Variants in SOS2 observed in about 807,000 individuals in gnomAD.
The protein encoded by SOS2 is SOS Ras/Rho guanine nucleotide exchange factor 2, also known as son of sevenless homolog 2.
Under a neutral mutation model 148.2 loss-of-function variants are expected in SOS2, and 65 were observed. The ratio of observed to expected loss-of-function variants is 0.44; its 90% CI spans 0.36 to 0.54. The LOEUF (loss-of-function observed/expected upper bound fraction) is 0.54, where lower values mean the gene tolerates loss of function less well. Ranked by LOEUF, SOS2 falls within the 20% of genes least tolerant of loss-of-function variation. The probability of loss-of-function intolerance (pLI) is 0.00; values close to 1 mark genes in which losing one functional copy is unlikely to be tolerated. For missense variants in SOS2, 1,341 were observed against 1,590.2 expected, an observed-to-expected ratio of 0.84 and a Z score of 2.67; for synonymous variants, 539 against 537.1, an observed-to-expected ratio of 1.00 and a Z score of -0.05.
chr14:50,136,216 T>C (rs1884074293), intron 18 of SOS2, among the ~76,000 whole-genome samples: 1 of 152,256 alleles, frequency 6.6e-6, no homozygotes, highest in South Asian at 2.1e-4. Context: ...CTTGATTTCC[T>C]CATCCTTTGC....
At chr14:50,160,668 T>C (rs1304137358) in intron 9 of SOS2, among the ~76,000 whole-genome samples, 1 of 152,050 alleles carries the variant, frequency 6.6e-6, no homozygotes, top group African/African-American at 2.4e-5. Flanking sequence ...ATTATAGGCG[T>C]GAGCCACCGT....
At chr14:50,167,441 G>GGTTCTGAGATT (rs1432303449) in intron 8 of SOS2, among the ~76,000 whole-genome samples, 5 of 152,098 alleles carry the variant, frequency 3.3e-5, no homozygotes, top group African/African-American at 1.2e-4. Context: ...AAGCTGAGAT[G>GGTTCTGAGATT]GGAGGATTGA....
At chr14:50,229,584 G>T (rs1450363622) in intron 1 of SOS2, among the ~76,000 whole-genome samples, 2 of 151,896 alleles carry the variant, frequency 1.3e-5, no homozygotes, top group African/African-American at 4.8e-5. Flanking sequence ...AGAGGTGGGC[G>T]GACTGCTTGA....
chr14:50,147,062 G>GCC (rs1269586847), intron 14 of SOS2, among the ~76,000 whole-genome samples: 1 of 151,246 alleles, frequency 6.6e-6, no homozygotes, highest in Non-Finnish European at 1.5e-5. Context: ...AACAGGCACA[G>GCC]TAGTTCCTCC....
intron 16 of SOS2, among the ~76,000 whole-genome samples, chr14:50,144,470 C>A (rs892176589): frequency 9.2e-5 from 14 of 151,970 alleles, no homozygotes; most frequent in African/African-American, 3.1e-4. Context: ...CTGAGTCTCA[C>A]TGTGTCGCCC....
chr14:50,209,102 T>G (rs1367082629), intron 1 of SOS2, among the ~76,000 whole-genome samples: 1 of 152,210 alleles, frequency 6.6e-6, no homozygotes. Flanking sequence ...ACCGGTCTTC[T>G]GCCTTCAGAC....
At chr14:50,158,181 T>C (rs905463291) in intron 11 of SOS2, among the ~76,000 whole-genome samples, 3 of 151,992 alleles carry the variant, frequency 2.0e-5, no homozygotes, top group Non-Finnish European at 2.9e-5. Flanking sequence ...AAAGTTTTCA[T>C]AACAAGTTTG....
At chr14:50,227,098 GCT>G (rs755443180) in intron 1 of SOS2, among the ~76,000 whole-genome samples, 15 of 152,052 alleles carry the variant, frequency 9.9e-5, no homozygotes, top group African/African-American at 3.1e-4. Context: ...CTGCTTTGTA[GCT>G]CTCTGTTTTT....
intron 1 of SOS2, among the ~76,000 whole-genome samples, chr14:50,228,705 C>T (rs1322955658): frequency 1.3e-5 from 2 of 152,136 alleles, no homozygotes; most frequent in African/African-American, 4.8e-5. Flanking sequence ...CACAAATACC[C>T]CTTACTGAAC....
At chr14:50,133,920 T>G (rs1179845722) in intron 19 of SOS2, among the ~76,000 whole-genome samples, 1 of 152,124 alleles carries the variant, frequency 6.6e-6, no homozygotes, top group Admixed American at 6.6e-5. Flanking sequence ...GACACATAAA[T>G]AAGTAGTACC....
At chr14:50,229,535 G>A (rs1182517974) in intron 1 of SOS2, among the ~76,000 whole-genome samples, 1 of 150,464 alleles carries the variant, frequency 6.6e-6, no homozygotes, top group Non-Finnish European at 1.5e-5. Context: ...GGTCTGGTGC[G>A]AGGTGGTTTA....
chr14:50,121,533 G>C (rs952818917), intron 21 of SOS2, among the ~76,000 whole-genome samples: 39 of 149,068 alleles, frequency 2.6e-4, no homozygotes, highest in Admixed American at 8.6e-4. Context: ...CCTGGGGGAG[G>C]GGGGGGAGTC....
rs557676009 is a variant in SOS2 at position 50,185,080 on chromosome 14, G to T, written c.715-2474C>A. On this transcript the variant is annotated intron_variant, in intron 5 of 22. Coordinates refer to ENST00000216373, the MANE Select transcript of SOS2 (RefSeq NM_006939.4). Reference sequence around the variant, plus strand: ...AGTCCTTCATAATAAACTGGTAAACGTGTTTCCCTGATTTCTGTGAGCTGT... The same window carrying T: ...AGTCCTTCATAATAAACTGGTAAACTTGTTTCCCTGATTTCTGTGAGCTGT... Among the ~76,000 whole-genome samples the T allele has an allele frequency of 9.2e-5, 14 of 152,116 alleles. No homozygotes were observed. In the East Asian group the frequency reaches 2.7e-3, roughly 29 times the overall value.
chr14:50,213,540 AAAT>A (rs1224748414), intron 1 of SOS2, among the ~76,000 whole-genome samples: 1 of 152,052 alleles, frequency 6.6e-6, no homozygotes, highest in Non-Finnish European at 1.5e-5. Flanking sequence ...TCTCTACTAA[AAAT>A]ACAAAAATTA....
At chr14:50,154,032 AAG>A (rs1884743183) in intron 12 of SOS2, among the ~76,000 whole-genome samples, 1 of 152,188 alleles carries the variant, frequency 6.6e-6, no homozygotes, top group Admixed American at 6.5e-5. Flanking sequence ...TAACCTTGCA[AAG>A]AGAGATTTAA....
chr14:50,220,033 T>C (rs1301658367), intron 1 of SOS2, among the ~76,000 whole-genome samples: 3 of 151,456 alleles, frequency 2.0e-5, no homozygotes, highest in Non-Finnish European at 4.4e-5. Flanking sequence ...TTTCTTGTTT[T>C]CGGTCTCCTC....
rs200283738 is a variant in SOS2, at chr14:50,208,953, ATTAACAT to A, written c.88-4551_88-4545del. On this transcript the variant is annotated intron_variant, in intron 1 of 22. Transcript: ENST00000216373. ...GTCTGTCAGGGTATCTCTGGAGGAG[ATTAACAT>A]TTGAGTTGGTAGACTGAGAAAAGCA... Among the ~76,000 whole-genome samples the A allele has an allele frequency of 4.0e-4, 61 of 152,206 alleles. No individual in the cohort carries two copies. In the East Asian group the frequency reaches 0.012, roughly 29 times the overall value.
intron 5 of SOS2, among the ~76,000 whole-genome samples, chr14:50,185,841 T>C (rs1418986521): frequency 6.6e-6 from 1 of 152,176 alleles, no homozygotes; most frequent in Non-Finnish European, 1.5e-5. Context: ...TTCTAAGCAC[T>C]TGAAATGTAA....
intron 5 of SOS2, among the ~76,000 whole-genome samples, chr14:50,184,902 G>C (rs1885859628): frequency 1.3e-5 from 2 of 148,580 alleles, no homozygotes; most frequent in Non-Finnish European, 3.0e-5. Context: ...GCAGGGGTGA[G>C]AGGCTAGAGA....
Sources: gnomAD v4.1 joint callset for allele counts (sites outside exome capture counted in the v4.1 genomes callset) on GRCh38, gnomAD v4.1.1 for gene constraint, MANE v1.5 for transcripts, NCBI Gene and HGNC (gene_info 2026-07-23, HGNC 2026-07-21) for gene names.